CNTN1: variants seen among roughly 807,000 people sequenced by gnomAD.
CNTN1 encodes contactin 1.
In CNTN1, 38 loss-of-function variants were observed where a neutral mutation model predicts 126.4. The observed-to-expected ratio is 0.30, with a 90% confidence interval of 0.23 to 0.39. The LOEUF (loss-of-function observed/expected upper bound fraction) is 0.39, where lower values mean the gene tolerates loss of function less well. Ranked by LOEUF, CNTN1 falls within the 10% of genes least tolerant of loss-of-function variation. The pLI, the probability that CNTN1 is intolerant of heterozygous loss-of-function variation, is 1.00. For missense variants in CNTN1, 1,009 were observed against 1,248.4 expected, an observed-to-expected ratio of 0.81 and a Z score of 2.89; for synonymous variants, 413 against 422.6, an observed-to-expected ratio of 0.98 and a Z score of 0.28.
In CNTN1 at chr12:40,959,195, G is replaced by A. The variant is rs1947014195; in HGVS notation, c.1765G>A (p.Val589Met). The change falls in exon 15 of 24, where the codon GTG becomes ATG. Residue 589 changes from valine (V) to methionine (M), a missense_variant. Transcript: ENST00000551295. ...GRYTCTAQTI[V>M]DNSSASADLV... ...ATACACATGCACTGCCCAGACAATT[G>A]TGGACAATTCTTCAGCTTCAGCTGA... 1.2e-6 allele frequency: 2 copies of A among 1,612,778 alleles called. No homozygotes were observed. Among genetic ancestry groups the A allele is most frequent in the Non-Finnish European group, 1.7e-6 (2 of 1,179,156 alleles).
chr12:41,016,610 A>G (rs1373977259), intron 18 of CNTN1, 72 bp from the exon 19 acceptor site: 1 of 944,726 alleles, frequency 1.1e-6, no homozygotes, highest in African/African-American at 1.6e-5. Flanking sequence ...CGTGTGTGTC[A>G]TTATCCCCAT....
chr12:40,746,070 C>G (rs1413338378), intron 1 of CNTN1, among the ~76,000 whole-genome samples: 2 of 152,138 alleles, frequency 1.3e-5, no homozygotes, highest in Non-Finnish European at 2.9e-5. Flanking sequence ...AAAACATATT[C>G]AACTTTCCAA....
chr12:40,830,964 C>T (rs1382315526), intron 1 of CNTN1, among the ~76,000 whole-genome samples: 4 of 136,842 alleles, frequency 2.9e-5, no homozygotes, highest in African/African-American at 5.4e-5. Flanking sequence ...TATATATATA[C>T]ACACACACAC....
intron 17 of CNTN1, among the ~76,000 whole-genome samples, chr12:41,007,932 G>A (rs914266154): frequency 1.3e-5 from 2 of 152,152 alleles, no homozygotes; most frequent in Non-Finnish European, 2.9e-5. Context: ...ATGATTTGTG[G>A]CTGCCTTTCA....
intron 1 of CNTN1, among the ~76,000 whole-genome samples, chr12:40,845,894 A>C (rs918922301): frequency 1.3e-5 from 2 of 152,222 alleles, no homozygotes; most frequent in African/African-American, 2.4e-5. Flanking sequence ...GTCAAAAACA[A>C]TAAAAAATGA....
intron 1 of CNTN1, among the ~76,000 whole-genome samples, chr12:40,713,828 A>T (rs892463100): frequency 9.9e-5 from 15 of 152,136 alleles, no homozygotes; most frequent in African/African-American, 3.6e-4. Flanking sequence ...ACTGAAAAAT[A>T]GAGTCATATG....
At chr12:40,908,566 T>C in intron 2 of CNTN1, 73 bp downstream of exon 2, 1 of 1,123,064 alleles carries the variant, frequency 8.9e-7, no homozygotes, top group Non-Finnish European at 1.3e-6. Context: ...TTAAATGTAT[T>C]GTATGAAGTA....
At chr12:41,018,207 A>G (rs1196784414) in intron 19 of CNTN1, among the ~76,000 whole-genome samples, 1 of 152,200 alleles carries the variant, frequency 6.6e-6, no homozygotes, top group African/African-American at 2.4e-5. Flanking sequence ...TTGGCAATGT[A>G]CATTTACCCT....
At chr12:40,946,761 C>A (rs1946447685) in intron 14 of CNTN1, among the ~76,000 whole-genome samples, 1 of 151,978 alleles carries the variant, frequency 6.6e-6, no homozygotes, top group African/African-American at 2.4e-5. Flanking sequence ...AAATTGAATT[C>A]AATAATTAAG....
chr12:40,965,941 T>C (rs1947289420), intron 15 of CNTN1, among the ~76,000 whole-genome samples: 1 of 151,658 alleles, frequency 6.6e-6, no homozygotes, highest in Non-Finnish European at 1.5e-5. Flanking sequence ...ACATAAAAGT[T>C]CTATATAATA....
chr12:40,924,311 T>G (rs931302146), intron 5 of CNTN1, among the ~76,000 whole-genome samples: 2 of 152,180 alleles, frequency 1.3e-5, no homozygotes, highest in African/African-American at 4.8e-5. Flanking sequence ...TTTTCAGGGT[T>G]GTCAGAATTC....
intron 19 of CNTN1, among the ~76,000 whole-genome samples, chr12:41,019,194 C>T (rs1948852544): frequency 6.6e-6 from 1 of 152,126 alleles, no homozygotes; most frequent in Non-Finnish European, 1.5e-5. Flanking sequence ...ATGATAACTT[C>T]ACTCAGTTTT....
At position 41,070,769 on chromosome 12, in the gene CNTN1, CTG is replaced by C. The variant is rs1950143500; in HGVS notation, c.*735_*736del. The stretch of plus-strand genomic sequence containing the variant: ...TTTTTTTTTACTTTTATATTCTACT[CTG>C]AAGTTATTTTATGCTTTTCTTATCA... On this transcript the variant is annotated 3_prime_UTR_variant, in exon 24 of 24. Coordinates refer to ENST00000551295, the MANE Select transcript of CNTN1 (RefSeq NM_001843.4). The C allele has an allele frequency of 1.3e-5, 2 of 151,834 alleles. No homozygotes were observed. Among genetic ancestry groups the C allele is most frequent in the South Asian group, 4.1e-4 (2 of 4,824 alleles). The allele number at this position is 151,834 out of a possible 1,614,324, so 9.4% of individuals were successfully genotyped here. A position where few individuals can be genotyped will look rare whatever the true frequency, so the allele number is the denominator to read the frequency against.
intron 1 of CNTN1, among the ~76,000 whole-genome samples, chr12:40,727,647 C>A (rs1565654209): frequency 1.3e-5 from 2 of 152,184 alleles, no homozygotes; most frequent in Middle Eastern, 6.8e-3. Flanking sequence ...TGTAGCCAAA[C>A]AAAATCAATC....
intron 17 of CNTN1, among the ~76,000 whole-genome samples, chr12:41,008,605 A>G (rs1001826623): frequency 2.0e-5 from 3 of 152,156 alleles, no homozygotes; most frequent in African/African-American, 4.8e-5. Context: ...ACTATCTATG[A>G]CATGCTTAAA....
chr12:41,036,641 C>G (rs1201484800), intron 23 of CNTN1, among the ~76,000 whole-genome samples: 2 of 152,072 alleles, frequency 1.3e-5, no homozygotes, highest in African/African-American at 4.8e-5. Context: ...ATTAATATAA[C>G]CTAATCACCA....
At chr12:40,930,367 G>A (rs1945842316) in intron 7 of CNTN1, among the ~76,000 whole-genome samples, 1 of 151,908 alleles carries the variant, frequency 6.6e-6, no homozygotes, top group Admixed American at 6.6e-5. Context: ...TCAAAGGATT[G>A]GTAGATCAAA....
At position 41,025,168 on chromosome 12, in the gene CNTN1, C is replaced by T. The variant is rs1949012035; in HGVS notation, c.2542C>T (p.His848Tyr). 3 of 1,613,802 alleles carry T rather than the reference C, an allele frequency of 1.9e-6. No individual in the cohort carries two copies. The highest frequency in any genetic ancestry group is 2.5e-6 in the Non-Finnish European group (3 of 1,179,858). The change falls in exon 21 of 24, where the codon CAT (histidine) becomes TAT (tyrosine). Residue 848 changes from histidine to tyrosine, a missense_variant. Coordinates refer to ENST00000551295, the MANE Select transcript of CNTN1 (RefSeq NM_001843.4). ...ESYQIRYWAA[H>Y]DKEEAANRVQ... ...TTTGCAGATTCGGTATTGGGCTGCC[C>T]ATGACAAAGAAGAAGCTGCAAACAG...
At chr12:40,801,067 A>C (rs1337574000) in intron 1 of CNTN1, among the ~76,000 whole-genome samples, 2 of 149,988 alleles carry the variant, frequency 1.3e-5, no homozygotes, top group East Asian at 3.9e-4. Context: ...AAAATCCTGG[A>C]AGAGACAAGT....
Sources: gnomAD v4.1 joint callset for allele counts (sites outside exome capture counted in the v4.1 genomes callset) on GRCh38, gnomAD v4.1.1 for gene constraint, MANE v1.5 for transcripts, NCBI Gene and HGNC (gene_info 2026-07-23, HGNC 2026-07-21) for gene names.